Variants in EHD4 observed in about 807,000 individuals in gnomAD.
EHD4 encodes EH domain containing 4, also known as EH domain-containing protein 4.
EHD4 carries 37 observed loss-of-function variants against 51.0 expected under a neutral mutation model. The ratio of observed to expected loss-of-function variants is 0.73; its 90% confidence interval spans 0.56 to 0.95. The LOEUF is 0.95. EHD4 is among the 40% of genes least tolerant of loss of function. The pLI, the probability that EHD4 is intolerant of heterozygous loss-of-function variation, is 0.00. For missense variants in EHD4, 632 were observed against 733.1 expected (o/e 0.86, Z 1.59); for synonymous variants, 297 against 317.3 (o/e 0.94, Z 0.68).
rs79417445 is a variant in EHD4, at chr15:41,951,002, ACTAACCCTAACC to A, written c.413+2750_413+2761del. On this transcript the variant is annotated intron_variant, in intron 2 of 5. Coordinates refer to ENST00000220325, the MANE Select transcript of EHD4 (RefSeq NM_139265.4). ...GGAGGGCTACATTAGGAACAGCCTT[ACTAACCCTAACC>A]CTAACCCTAACCCTAACCCTAAGAG... Among the ~76,000 whole-genome samples the A allele has an allele frequency of 3.5e-4, 53 of 151,900 alleles. No homozygotes were observed. In the East Asian group the frequency reaches 7.9e-3, roughly 23 times the overall value.
intron 3 of EHD4, among the ~76,000 whole-genome samples, chr15:41,923,109 C>T (rs1011695670): frequency 3.9e-5 from 6 of 152,180 alleles, no homozygotes; most frequent in Admixed American, 1.3e-4. Context: ...CGTACAACCA[C>T]CACCACCATC....
chr15:41,921,058 A>G (rs1416953380), intron 3 of EHD4, among the ~76,000 whole-genome samples: 1 of 152,174 alleles, frequency 6.6e-6, no homozygotes, highest in Non-Finnish European at 1.5e-5. Context: ...CAGGTGTTAG[A>G]GGAATAGCTG....
rs1460461110 is a variant in EHD4 at position 41,897,205 on chromosome 15, T to A, written c.*3440A>T. On this transcript the variant is annotated 3_prime_UTR_variant, in exon 6 of 6. Transcript: ENST00000220325. ...ACTCAGTGGTTTTCTGTCCTAAGCA[T>A]GCTTGCCTGCTACATCCCATGGAGA... 1 of 152,270 alleles carries A rather than the reference T, an allele frequency of 6.6e-6. No homozygotes were observed. The highest frequency in any genetic ancestry group is 2.4e-5 in the African/African-American group (1 of 41,470). 9.4% of individuals were successfully genotyped at this position (152,270 alleles called of 1,614,324 possible).
intron 3 of EHD4, 58 bp downstream of exon 3, chr15:41,943,009 C>A (rs1244458967): frequency 7.2e-7 from 1 of 1,392,556 alleles, no homozygotes; most frequent in South Asian, 1.2e-5. Flanking sequence ...ATCCTCTGCT[C>A]ACAGCAGAGA....
chr15:41,896,582 A>C lies in EHD4; in HGVS notation c.*4063T>G, dbSNP rs1197893657. ...GGAGACTGTAGGTCTGGACCACCAA[A>C]AAGGTAGATGGGTTGGTGGGAAAAG... On this transcript the variant is annotated 3_prime_UTR_variant, in exon 6 of 6. Transcript: ENST00000220325. 6.8e-6 allele frequency: 1 copy of C among 147,958 alleles called. No individual in the cohort carries two copies. Among genetic ancestry groups the C allele is most frequent in the Non-Finnish European group, 1.5e-5 (1 of 66,502 alleles). The allele number at this position is 147,958 out of a possible 1,614,324, so 9.2% of individuals were successfully genotyped here. A position where few individuals can be genotyped will look rare whatever the true frequency, so the allele number is the denominator to read the frequency against.
At chr15:41,956,213 G>C (rs892069657) in intron 1 of EHD4, among the ~76,000 whole-genome samples, 2 of 152,230 alleles carry the variant, frequency 1.3e-5, no homozygotes, top group African/African-American at 4.8e-5. Flanking sequence ...TGAACCAGAC[G>C]AGAACTGCAG....
In EHD4 at chr15:41,945,026, T is replaced by A. The variant is rs568156180; in HGVS notation, c.414-1862A>T. 2.6e-5 allele frequency among the ~76,000 whole-genome samples: 4 copies of A among 152,216 alleles called. 1 individual carries two copies. The South Asian group carries it at 8.3e-4, about 32-fold the overall frequency. ...AAACCCCACCATGCCATTATTCAAT[T>A]CTCTAGAATTGGGGTGGGAACAGGG... On this transcript the variant is annotated intron_variant, in intron 2 of 5. Transcript: ENST00000220325.
At chr15:41,942,816 T>G in intron 3 of EHD4, 1 of 385,216 alleles carries the variant, frequency 2.6e-6, no homozygotes, top group Non-Finnish European at 4.9e-6. Context: ...ATACCTCCCA[T>G]TGTTTACCCC....
rs1362290299 is a variant in EHD4, at chr15:41,943,167, G to A, written c.414-3C>T. On this transcript the variant is annotated splice_region_variant and splice_polypyrimidine_tract_variant and intron_variant, in intron 2 of 5. Transcript: ENST00000220325. ...TGGGGAGCTGTGAGCACATGAATCTGGAAGAGACGGATCAAAGGAGGGGTC... is the reference window on the plus strand; with the variant it reads ...TGGGGAGCTGTGAGCACATGAATCTAGAAGAGACGGATCAAAGGAGGGGTC... 1 of 1,576,336 alleles carries A rather than the reference G, an allele frequency of 6.3e-7. No homozygotes were observed. The highest frequency in any genetic ancestry group is 1.3e-5 in the African/African-American group (1 of 74,644).
chr15:41,958,100 TAAC>T (rs1278987934), intron 1 of EHD4, among the ~76,000 whole-genome samples: 1 of 142,652 alleles, frequency 7.0e-6, no homozygotes, highest in Non-Finnish European at 1.6e-5. Flanking sequence ...TTATCTGCAA[TAAC>T]AACAATTCAA....
intron 2 of EHD4, among the ~76,000 whole-genome samples, chr15:41,948,383 C>A (rs1195669083): frequency 6.6e-6 from 1 of 152,046 alleles, no homozygotes; most frequent in Non-Finnish European, 1.5e-5. Flanking sequence ...GTCTCAAACT[C>A]CTGAGCTCAA....
chr15:41,923,062 A>G (rs1356327700), intron 3 of EHD4, among the ~76,000 whole-genome samples: 4 of 152,196 alleles, frequency 2.6e-5, no homozygotes, highest in Admixed American at 2.6e-4. Context: ...AAGCATTTTA[A>G]GTGTACTGCA....
chr15:41,924,877 C>T (rs1268445467), intron 3 of EHD4, among the ~76,000 whole-genome samples: 2 of 151,710 alleles, frequency 1.3e-5, no homozygotes, highest in South Asian at 4.2e-4. Context: ...GCCAACTTCG[C>T]GAAACCCTGT....
rs1429049257 is a variant in EHD4 at position 41,897,413 on chromosome 15, G to C, written c.*3232C>G. The C allele has an allele frequency of 6.6e-6, 1 of 152,286 alleles. No individual in the cohort carries two copies. Among genetic ancestry groups the C allele is most frequent in the East Asian group, 1.9e-4 (1 of 5,198 alleles). 9.4% of individuals were successfully genotyped at this position (152,286 alleles called of 1,614,324 possible). On this transcript the variant is annotated 3_prime_UTR_variant, in exon 6 of 6. Coordinates refer to ENST00000220325, the MANE Select transcript of EHD4 (RefSeq NM_139265.4). ...AGATGCTCTTGCTGCAGCACGACAA[G>C]TGTTCAAAAGAGAACCAGGCCCAGC... is the stretch of plus-strand genomic sequence containing the variant.
chr15:41,961,798 T>G (rs1193777234), intron 1 of EHD4, among the ~76,000 whole-genome samples: 2 of 152,190 alleles, frequency 1.3e-5, no homozygotes. Context: ...ATTAGAAGCT[T>G]GATATGAATG....
At chr15:41,919,123 G>T in intron 4 of EHD4, 87 bp downstream of exon 4, 1 of 1,553,642 alleles carries the variant, frequency 6.4e-7, no homozygotes, top group South Asian at 1.1e-5. Flanking sequence ...CTTCTGGAAC[G>T]AAGCCTCCTC....
chr15:41,907,877 T>TG lies in EHD4; in HGVS notation c.1089+1821_1089+1822insC, dbSNP rs1491143714. ...GTGTGTGTGTGTGTGTGTGTATATA[T>TG]TTATTTATTTTTTGAGATGGGGTCT... On this transcript the variant is annotated intron_variant, in intron 5 of 5. Coordinates refer to ENST00000220325, the MANE Select transcript of EHD4 (RefSeq NM_139265.4). Among the ~76,000 whole-genome samples the TG allele has an allele frequency of 5.2e-4, 73 of 140,702 alleles. No homozygotes were observed. The South Asian group carries it at 6.8e-3, about 13-fold the overall frequency. The allele number at this position is 140,702 out of a possible 152,430, so 92.3% of individuals were successfully genotyped here. A position where few individuals can be genotyped will look rare whatever the true frequency, so the allele number is the denominator to read the frequency against.
At chr15:41,941,596 T>C (rs201645567) in intron 3 of EHD4, 1 of 145,204 alleles carries the variant, frequency 6.9e-6, no homozygotes, top group Non-Finnish European at 1.5e-5. Context: ...TTTTTTTTGT[T>C]TTTTTTTCAT....
At position 41,900,697 on chromosome 15, in the gene EHD4, G is replaced by C; in HGVS notation, c.1574C>G (p.Pro525Arg). The C allele has an allele frequency of 1.2e-6, 2 of 1,606,796 alleles. No homozygotes were observed. The highest frequency in any genetic ancestry group is 1.1e-5 in the South Asian group (1 of 91,058). The stretch of plus-strand genomic sequence containing the variant: ...GTGCGAGGGGGGCACGAGGTGGGGG[G>C]GCAGGCTGCTGGGCAGCTCGTAGCC... ...LDGYELPSSL[P>R]PHLVPPSHRK... Residue 525 changes from proline to arginine, a missense_variant, in exon 6 of 6, where the codon CCC becomes CGC. Transcript: ENST00000220325. This position sits in a 1 kb window ranked among gnomAD's most constrained non-coding sequence, Gnocchi z 4.8.
Sources: allele counts gnomAD v4.1 joint callset (sites outside exome capture counted in the v4.1 genomes callset), GRCh38; gene constraint gnomAD v4.1.1; non-coding constraint Gnocchi (gnomAD v3.1); transcripts MANE v1.5; gene names NCBI Gene and HGNC (gene_info 2026-07-23, HGNC 2026-07-21).